Variants in CELF4 observed in about 807,000 individuals in gnomAD.
CELF4 encodes the protein CUG-BP- and ETR-3-like factor 4.
In CELF4, 18 loss-of-function variants were observed where a neutral mutation model predicts 59.9. The ratio of observed to expected loss-of-function variants is 0.30; its 90% confidence interval spans 0.21 to 0.45. The LOEUF is 0.45. Ranked by LOEUF, CELF4 falls within the 20% of genes least tolerant of loss-of-function variation. The pLI is 1.00. For missense variants in CELF4, 456 were observed against 689.0 expected, an observed-to-expected ratio of 0.66 and a Z score of 3.79; for synonymous variants, 261 against 267.1, an observed-to-expected ratio of 0.98 and a Z score of 0.22.
chr18:37,302,968 A>T lies in CELF4; in HGVS notation c.448+18835T>A, dbSNP rs2096163597. 2.0e-5 allele frequency among the ~76,000 whole-genome samples: 3 copies of T among 152,072 alleles called. No homozygotes were observed. In the South Asian group the frequency reaches 6.2e-4, roughly 32 times the overall value. On this transcript the variant is annotated intron_variant, in intron 3 of 12. Transcript: ENST00000420428. ...GGAGGGGTGGGAGAGGAGAGTGGGAAGGGGGCTCCATCTCCTGCAGAAACT... is the reference window on the plus strand; with the variant it reads ...GGAGGGGTGGGAGAGGAGAGTGGGATGGGGGCTCCATCTCCTGCAGAAACT...
rs1347897533 is a variant in CELF4, at chr18:37,245,801, G to A, written c.*45-604C>T. Among the ~76,000 whole-genome samples, 1 of 152,180 alleles carries A rather than the reference G, an allele frequency of 6.6e-6. No individual in the cohort carries two copies. Among genetic ancestry groups the A allele is most frequent in the African/African-American group, 2.4e-5 (1 of 41,426 alleles). On this transcript the variant is annotated intron_variant, in intron 12 of 12. Coordinates refer to ENST00000420428, the MANE Select transcript of CELF4 (RefSeq NM_020180.4). The surrounding 1 kb of genome is among the most constrained non-coding windows in gnomAD (Gnocchi z 4.1). ...GTAGAATATATTCACCTGCACATAT[G>A]TGGATATACATGGATATGTGTGTAT...
At chr18:37,306,250 G>A (rs2096395087) in intron 3 of CELF4, 1 of 152,280 alleles carries the variant, frequency 6.6e-6, no homozygotes, top group African/African-American at 2.4e-5. Context: ...GACTTCTGTA[G>A]ATGGAAGCCC....
intron 3 of CELF4, among the ~76,000 whole-genome samples, chr18:37,294,511 C>T (rs2095529978): frequency 6.6e-6 from 1 of 152,214 alleles, no homozygotes; most frequent in African/African-American, 2.4e-5. Context: ...CTTGCTCTGG[C>T]TCACCCTGGT....
chr18:37,285,128 G>C (rs2154397526), intron 3 of CELF4, among the ~76,000 whole-genome samples: 1 of 152,346 alleles, frequency 6.6e-6, no homozygotes, highest in Non-Finnish European at 1.5e-5. Context: ...CCTGCTGCTA[G>C]CTGCAAGGGA....
Position 37,565,659 on chromosome 18 carries a change from C to G in CELF4, c.-18G>C. ...ATATACATAGAGAAAATCTTCTTTCCTTTTATTCTTTCTCGCTCACACTCT... is the reference window on the plus strand; with the variant it reads ...ATATACATAGAGAAAATCTTCTTTCGTTTTATTCTTTCTCGCTCACACTCT... On this transcript the variant is annotated 5_prime_UTR_variant, in exon 1 of 13. Transcript: ENST00000420428. 6.4e-7 allele frequency: 1 copy of G among 1,559,022 alleles called. No homozygotes were observed. Among genetic ancestry groups the G allele is most frequent in the Admixed American group, 1.9e-5 (1 of 52,742 alleles).
At chr18:37,435,103 G>A (rs373603513) in intron 2 of CELF4, among the ~76,000 whole-genome samples, 38 of 152,182 alleles carry the variant, frequency 2.5e-4, no homozygotes, top group African/African-American at 6.0e-4. Context: ...CCCTTTGGGG[G>A]TAGAGAACCC....
intron 3 of CELF4, among the ~76,000 whole-genome samples, chr18:37,300,661 A>G (rs989335962): frequency 6.6e-6 from 1 of 152,254 alleles, no homozygotes; most frequent in African/African-American, 2.4e-5. Flanking sequence ...CCCTGTCTGC[A>G]CGGAGCTCAT....
intron 2 of CELF4, among the ~76,000 whole-genome samples, chr18:37,470,891 A>ATGTGTGT (rs1491153845): frequency 3.8e-3 from 98 of 25,942 alleles, no homozygotes; most frequent in African/African-American, 0.012. Context: ...TGTGTGTGAC[A>ATGTGTGT]GAGAGAGAGA....
intron 2 of CELF4, among the ~76,000 whole-genome samples, chr18:37,481,892 T>C (rs1489125554): frequency 6.6e-6 from 1 of 152,220 alleles, no homozygotes; most frequent in Non-Finnish European, 1.5e-5. Context: ...TTTTGTGACC[T>C]TGGGCAAACC....
intron 12 of CELF4, among the ~76,000 whole-genome samples, chr18:37,249,190 A>G (rs536763556): frequency 6.6e-6 from 1 of 151,990 alleles, no homozygotes; most frequent in East Asian, 2.0e-4. Flanking sequence ...CTGAAATGCC[A>G]CTTCCAACTC....
intron 1 of CELF4, among the ~76,000 whole-genome samples, chr18:37,506,179 C>T (rs1464894240): frequency 6.6e-6 from 1 of 152,136 alleles, no homozygotes; most frequent in Non-Finnish European, 1.5e-5. Context: ...TTGAAGCCCG[C>T]GATGCTCCTG....
intron 3 of CELF4, among the ~76,000 whole-genome samples, chr18:37,308,918 A>G (rs1370089085): frequency 6.6e-6 from 1 of 151,946 alleles, no homozygotes; most frequent in African/African-American, 2.4e-5. Flanking sequence ...GACCCTCCAC[A>G]CTCAGATAGC....
chr18:37,330,033 A>G (rs765212284), intron 2 of CELF4, among the ~76,000 whole-genome samples: 1 of 152,128 alleles, frequency 6.6e-6, no homozygotes, highest in Non-Finnish European at 1.5e-5. Flanking sequence ...GCTTTGTGCA[A>G]TTTTGAGGGG....
intron 10 of CELF4, 152 bp from the exon 11 acceptor site, chr18:37,259,416 C>G (rs945902056): frequency 1.6e-6 from 1 of 607,866 alleles, no homozygotes; most frequent in Non-Finnish European, 2.9e-6. Context: ...CAAGGGCGCC[C>G]CAGAAGAGGC....
chr18:37,257,370 A>C (rs958630529), intron 11 of CELF4, among the ~76,000 whole-genome samples: 1 of 152,198 alleles, frequency 6.6e-6, no homozygotes, highest in African/African-American at 2.4e-5. Context: ...TACATACATA[A>C]CTGTAATTCA....
intron 3 of CELF4, among the ~76,000 whole-genome samples, chr18:37,289,515 C>CT (rs1443429318): frequency 6.6e-6 from 1 of 152,064 alleles, no homozygotes; most frequent in African/African-American, 2.4e-5. Flanking sequence ...AGGTGAAGGC[C>CT]CCCGCTTGCT....
In CELF4 at chr18:37,565,757, G is replaced by A; in HGVS notation, c.-116C>T. 1.3e-6 allele frequency: 1 copy of A among 768,238 alleles called. No individual in the cohort carries two copies. Among genetic ancestry groups the A allele is most frequent in the Non-Finnish European group, 1.9e-6 (1 of 522,886 alleles). 47.6% of individuals were successfully genotyped at this position (768,238 alleles called of 1,614,324 possible). ...CACACACTCGGGTTCTCTCCCCCTC[G>A]GTTTCTCTACACCTCGCTCTCCGCT... On this transcript the variant is annotated 5_prime_UTR_variant, in exon 1 of 13. Coordinates refer to ENST00000420428, the MANE Select transcript of CELF4 (RefSeq NM_020180.4).
At chr18:37,349,474 A>T (rs2098391004) in intron 2 of CELF4, among the ~76,000 whole-genome samples, 1 of 152,222 alleles carries the variant, frequency 6.6e-6, no homozygotes, top group African/African-American at 2.4e-5. Context: ...AATAGGCTTA[A>T]ATTAAAGCAG....
intron 3 of CELF4, among the ~76,000 whole-genome samples, chr18:37,318,829 G>A (rs763085306): frequency 5.3e-5 from 8 of 152,090 alleles, no homozygotes; most frequent in Non-Finnish European, 1.2e-4. Flanking sequence ...TGGGCAGAGG[G>A]GATTCCAGAC....
Sources: allele counts gnomAD v4.1 joint callset (sites outside exome capture counted in the v4.1 genomes callset), GRCh38; gene constraint gnomAD v4.1.1; non-coding constraint Gnocchi (gnomAD v3.1); transcripts MANE v1.5; gene names NCBI Gene and HGNC (gene_info 2026-07-23, HGNC 2026-07-21).